MYBPC1: variants seen among roughly 807,000 people sequenced by gnomAD.
MYBPC1 encodes myosin-binding protein C, slow-type.
A neutral mutation model predicts 147.1 loss-of-function variants in MYBPC1; 52 were observed. The observed-to-expected ratio is 0.35, with a 90% CI of 0.28 to 0.45. The LOEUF (loss-of-function observed/expected upper bound fraction) is 0.45, where lower values mean the gene tolerates loss of function less well. Among genes scored for constraint, MYBPC1 ranks in the 20% least tolerant of loss-of-function variants. The pLI is 1.00. For missense variants in MYBPC1, 1,228 were observed against 1,440.3 expected (o/e 0.85, Z 2.39); for synonymous variants, 477 against 475.9 (o/e 1.00, Z -0.03).
chr12:101,659,877 C>T (rs1178945287), intron 19 of MYBPC1, 46 bp downstream of exon 19: 1 of 1,605,064 alleles, frequency 6.2e-7, no homozygotes, highest in African/African-American at 1.3e-5. Context: ...GCTGACATGT[C>T]AAGATTCAGA....
At chr12:101,649,132 C>A in intron 14 of MYBPC1, 128 bp from the exon 15 acceptor site, 1 of 798,928 alleles carries the variant, frequency 1.3e-6, no homozygotes, top group Non-Finnish European at 2.1e-6. Context: ...TTTTTTAATT[C>A]AACAAATAGT....
At chr12:101,676,188 T>G (rs965493522) in intron 26 of MYBPC1, among the ~76,000 whole-genome samples, 1 of 152,228 alleles carries the variant, frequency 6.6e-6, no homozygotes, top group Non-Finnish European at 1.5e-5. Flanking sequence ...TGAAAACCCC[T>G]GGCTTAATGT....
chr12:101,677,717 G>A (rs542793421), intron 27 of MYBPC1, among the ~76,000 whole-genome samples: 1 of 152,108 alleles, frequency 6.6e-6, no homozygotes, highest in African/African-American at 2.4e-5. Flanking sequence ...CACCTTTATT[G>A]TAGCTACACA....
rs780764952 is a variant in MYBPC1, at chr12:101,675,377, T to C, written c.2895T>C (p.Asp965=). The change falls in exon 26 of 32, where the codon GAT becomes GAC. Residue 965 remains aspartate, a synonymous_variant. Transcript: ENST00000361466. ...VALTWTPPKD[D]GNAAITGYTI... is the part of the protein sequence containing the mutation. ...TCACATGGACTCCACCAAAGGATGA[T>C]GGAAATGCTGCTATCACAGGCTATA... 4.3e-6 allele frequency: 7 copies of C among 1,614,158 alleles called. No individual in the cohort carries two copies. Among genetic ancestry groups the C allele is most frequent in the East Asian group, 2.2e-5 (1 of 44,886 alleles).
At chr12:101,613,277 G>A (rs562081224) in intron 1 of MYBPC1, among the ~76,000 whole-genome samples, 107 of 152,202 alleles carry the variant, frequency 7.0e-4, no homozygotes, top group African/African-American at 2.5e-3. Flanking sequence ...GGGGCATTTG[G>A]CCTACACATA....
chr12:101,671,460 G>A (rs1331179727), intron 24 of MYBPC1, among the ~76,000 whole-genome samples: 2 of 152,122 alleles, frequency 1.3e-5, no homozygotes, highest in African/African-American at 2.4e-5. Flanking sequence ...TGCACTCCGG[G>A]TGCAAACCTA....
intron 1 of MYBPC1, among the ~76,000 whole-genome samples, chr12:101,600,836 T>C (rs1348185351): frequency 6.6e-6 from 1 of 152,226 alleles, no homozygotes; most frequent in Non-Finnish European, 1.5e-5. Flanking sequence ...TTAAGTGTGT[T>C]AGATGATAAA....
intron 12 of MYBPC1, among the ~76,000 whole-genome samples, chr12:101,645,534 A>G (rs1477220269): frequency 2.6e-5 from 4 of 152,222 alleles, no homozygotes; most frequent in African/African-American, 9.6e-5. Context: ...TTACTTGTGG[A>G]GTACAATTAG....
At chr12:101,627,619 G>GATTT in intron 4 of MYBPC1, 150 bp from the exon 5 acceptor site, 1 of 828,344 alleles carries the variant, frequency 1.2e-6, no homozygotes, top group South Asian at 1.4e-5. Flanking sequence ...GAGCTCTACT[G>GATTT]ATTTTCCATC....
At chr12:101,603,176 C>G (rs1488908486) in intron 1 of MYBPC1, among the ~76,000 whole-genome samples, 1 of 150,996 alleles carries the variant, frequency 6.6e-6, no homozygotes, top group African/African-American at 2.4e-5. Flanking sequence ...AAAACCCCAT[C>G]TCTACTAAAA....
At chr12:101,661,670 C>T (rs1896570322) in intron 20 of MYBPC1, among the ~76,000 whole-genome samples, 1 of 152,068 alleles carries the variant, frequency 6.6e-6, no homozygotes, top group South Asian at 2.1e-4. Flanking sequence ...GGGTGGATCA[C>T]TTGAAGCTAG....
rs80291656 is a variant in MYBPC1, at chr12:101,670,198, C to A, written c.2525-123C>A. 8.7e-4 allele frequency: 705 copies of A among 811,288 alleles called. 4 individuals are homozygous for A. In the East Asian group the frequency reaches 0.014, roughly 16 times the overall value. The allele number at this position is 811,288 out of a possible 1,614,324, so 50.3% of individuals were successfully genotyped here. A position where few individuals can be genotyped will look rare whatever the true frequency, so the allele number is the denominator to read the frequency against. On this transcript the variant is annotated intron_variant, in intron 23 of 31. Transcript: ENST00000361466. ...TATATCGTCTGTTAGTGGCACATCTCAGAGTTTATTGCAGAGATATGCCAC... is the reference window on the plus strand; with the variant it reads ...TATATCGTCTGTTAGTGGCACATCTAAGAGTTTATTGCAGAGATATGCCAC...
At chr12:101,648,220 C>A in intron 14 of MYBPC1, 70 bp downstream of exon 14, 2 of 1,072,506 alleles carry the variant, frequency 1.9e-6, no homozygotes, top group Non-Finnish European at 2.9e-6. Context: ...GTTGATAGAA[C>A]AGGAAGTACA....
Position 101,666,890 on chromosome 12 carries a change from T to TACACAC in MYBPC1, c.2357-839_2357-838insCACACA, listed in dbSNP as rs148269135. ...CCAAGCATGAAGAATACTCATCACA[T>TACACAC]ACATACACACACACACACACACACA... On this transcript the variant is annotated intron_variant, in intron 22 of 31. Transcript: ENST00000361466. 1.8e-3 allele frequency: 840 copies of TACACAC among 463,984 alleles called. 4 individuals are homozygous for TACACAC. The East Asian group carries it at 0.025, about 14-fold the overall frequency. 28.7% of individuals were successfully genotyped at this position (463,984 alleles called of 1,614,324 possible).
rs576887063 is a variant in MYBPC1, at chr12:101,648,330, G to A, written c.1196+180G>A. On this transcript the variant is annotated intron_variant, in intron 14 of 31. Transcript: ENST00000361466. Reference sequence around the variant, plus strand: ...TATACTGGGGTTTTTCCACTCATGAGACTGAAAAAAGAACCAGAGATCTAT... The same window carrying A: ...TATACTGGGGTTTTTCCACTCATGAAACTGAAAAAAGAACCAGAGATCTAT... Among the ~76,000 whole-genome samples the A allele has an allele frequency of 2.6e-5, 4 of 152,252 alleles. No individual in the cohort carries two copies. In the East Asian group the frequency reaches 7.7e-4, roughly 29 times the overall value.
intron 28 of MYBPC1, among the ~76,000 whole-genome samples, chr12:101,678,456 G>A (rs1016925868): frequency 3.9e-5 from 6 of 152,164 alleles, no homozygotes; most frequent in East Asian, 1.9e-4. Flanking sequence ...TAAAGAAAAA[G>A]CAAACCACCT....
chr12:101,662,386 A>G lies in MYBPC1; in HGVS notation c.2061A>G (p.Gln687=), dbSNP rs761668681. 6.2e-7 allele frequency: 1 copy of G among 1,614,232 alleles called. No individual in the cohort carries two copies. The highest frequency in any genetic ancestry group is 2.2e-5 in the East Asian group (1 of 44,890). ...ATTTTATTGAGAGGAAGAAGAAACA[A>G]AGCTCCAGGTGGATGAGGCTGAATT... ...LGYFIERKKK[Q]SSRWMRLNFD... The change falls in exon 21 of 32, where the codon CAA becomes CAG. Residue 687 remains glutamine (Q), a synonymous_variant. Transcript: ENST00000361466.
At chr12:101,646,504 T>C (rs1332667283) in intron 12 of MYBPC1, among the ~76,000 whole-genome samples, 1 of 152,140 alleles carries the variant, frequency 6.6e-6, no homozygotes, top group African/African-American at 2.4e-5. Flanking sequence ...CTGGGCCTGA[T>C]GCCCCACACC....
chr12:101,676,072 G>T (rs181162907), intron 26 of MYBPC1, among the ~76,000 whole-genome samples: 15 of 152,222 alleles, frequency 9.9e-5, no homozygotes, highest in Non-Finnish European at 1.9e-4. Flanking sequence ...TTCTTAAAAC[G>T]TTATGAGTTT....
Sources: gnomAD v4.1 joint callset for allele counts (sites outside exome capture counted in the v4.1 genomes callset) on GRCh38, gnomAD v4.1.1 for gene constraint, MANE v1.5 for transcripts, NCBI Gene and HGNC (gene_info 2026-07-23, HGNC 2026-07-21) for gene names.